PAPPA: variants seen among roughly 807,000 people sequenced by gnomAD.
PAPPA encodes the protein pappalysin-1.
A neutral mutation model predicts 164.0 loss-of-function variants in PAPPA; 60 were observed. The observed-to-expected ratio is 0.37, with a 90% confidence interval of 0.30 to 0.45. The LOEUF (loss-of-function observed/expected upper bound fraction) is 0.45, where lower values mean the gene tolerates loss of function less well. Among genes scored for constraint, PAPPA ranks in the 20% least tolerant of loss-of-function variants. The pLI is 1.00. For missense variants in PAPPA, 1,782 were observed against 2,087.3 expected, an observed-to-expected ratio of 0.85 and a Z score of 2.85; for synonymous variants, 875 against 814.1, an observed-to-expected ratio of 1.07 and a Z score of -1.27.
intron 7 of PAPPA, among the ~76,000 whole-genome samples, chr9:116,247,809 T>C (rs1844814462): frequency 6.6e-6 from 1 of 152,122 alleles, no homozygotes; most frequent in Non-Finnish European, 1.5e-5. Flanking sequence ...GACACCACTT[T>C]AGAGATGCTG....
At chr9:116,225,721 A>G (rs1844498232) in intron 5 of PAPPA, among the ~76,000 whole-genome samples, 1 of 152,266 alleles carries the variant, frequency 6.6e-6, no homozygotes, top group Non-Finnish European at 1.5e-5. Context: ...CATATTTACA[A>G]TGATAAGGCT....
intron 18 of PAPPA, among the ~76,000 whole-genome samples, chr9:116,363,297 G>T (rs1236889734): frequency 6.6e-6 from 1 of 152,140 alleles, no homozygotes. Context: ...AACTTGAGGG[G>T]ATAATGGAAC....
chr9:116,261,159 A>G (rs1225294964), intron 7 of PAPPA, among the ~76,000 whole-genome samples: 1 of 152,238 alleles, frequency 6.6e-6, no homozygotes, highest in Non-Finnish European at 1.5e-5. Flanking sequence ...AATACAAAAT[A>G]TGATACGTAG....
intron 10 of PAPPA, among the ~76,000 whole-genome samples, chr9:116,312,347 G>T: frequency 7.0e-6 from 1 of 143,180 alleles, no homozygotes; most frequent in African/African-American, 2.6e-5. Context: ...CATTCAGCCA[G>T]CATGGCCTTT....
intron 13 of PAPPA, among the ~76,000 whole-genome samples, chr9:116,337,416 A>G (rs1466014809): frequency 1.3e-5 from 2 of 152,156 alleles, no homozygotes; most frequent in East Asian, 3.8e-4. Flanking sequence ...ACAAACAAAC[A>G]AGGGAGGAAA....
rs1846994992 is a variant in PAPPA at position 116,398,375 on chromosome 9, C to A, written c.*1759C>A. 2 of 335,128 alleles carry A rather than the reference C, an allele frequency of 6.0e-6. No individual in the cohort carries two copies. The highest frequency in any genetic ancestry group is 2.4e-5 in the South Asian group (1 of 41,456). 20.8% of individuals were successfully genotyped at this position (335,128 alleles called of 1,614,324 possible). A position where few individuals can be genotyped will look rare whatever the true frequency, so the allele number is the denominator to read the frequency against. The stretch of plus-strand genomic sequence containing the variant: ...TCATCTCAAGTCTAGTGAAGACAGC[C>A]AACAGAAACAAAACCTAGCATAGGG... On this transcript the variant is annotated 3_prime_UTR_variant, in exon 22 of 22. Coordinates refer to ENST00000328252, the MANE Select transcript of PAPPA (RefSeq NM_002581.5).
At chr9:116,220,499 TATTA>T (rs1844430707) in intron 5 of PAPPA, among the ~76,000 whole-genome samples, 1 of 148,304 alleles carries the variant, frequency 6.7e-6, no homozygotes, top group Non-Finnish European at 1.5e-5. Flanking sequence ...TATTATATTA[TATTA>T]ATTATATTGT....
chr9:116,356,110 C>T (rs1846350983), intron 17 of PAPPA, among the ~76,000 whole-genome samples: 1 of 152,184 alleles, frequency 6.6e-6, no homozygotes, highest in Non-Finnish European at 1.5e-5. Flanking sequence ...GAGAGTCACA[C>T]ACTCTCTTCC....
intron 17 of PAPPA, among the ~76,000 whole-genome samples, chr9:116,359,365 C>T (rs913269069): frequency 4.6e-5 from 7 of 152,142 alleles, no homozygotes; most frequent in Admixed American, 2.0e-4. Context: ...GCTCAATATG[C>T]GCTTGTAAAA....
At chr9:116,374,771 C>A (rs1029868660) in intron 19 of PAPPA, among the ~76,000 whole-genome samples, 9 of 152,188 alleles carry the variant, frequency 5.9e-5, no homozygotes. Context: ...TGCCCTCCAA[C>A]ATCTCTGGAT....
At chr9:116,285,770 G>T (rs1044550579) in intron 9 of PAPPA, 16 of 152,110 alleles carry the variant, frequency 1.1e-4, no homozygotes, top group Non-Finnish European at 1.6e-4. Flanking sequence ...GTTAGTCCAG[G>T]GACTGACAAA....
chr9:116,291,898 A>C (rs952040662), intron 9 of PAPPA, among the ~76,000 whole-genome samples: 12 of 152,126 alleles, frequency 7.9e-5, no homozygotes, highest in Admixed American at 7.9e-4. Context: ...ACAATATGGT[A>C]TGCTACTTTG....
At chr9:116,178,434 T>C (rs947545982) in intron 1 of PAPPA, among the ~76,000 whole-genome samples, 1 of 152,210 alleles carries the variant, frequency 6.6e-6, no homozygotes, top group African/African-American at 2.4e-5. Flanking sequence ...TTAACACACA[T>C]TTTTAAAAAG....
rs192700731 is a variant in PAPPA at position 116,229,986 on chromosome 9, A to G, written c.2233+2434A>G. ...AGACATCTCCCCACACTTACATCCAATGCAACTATTAGTTGGTGAAGTTTG... is the reference window on the plus strand; with the variant it reads ...AGACATCTCCCCACACTTACATCCAGTGCAACTATTAGTTGGTGAAGTTTG... On this transcript the variant is annotated intron_variant, in intron 6 of 21. Transcript: ENST00000328252. Among the ~76,000 whole-genome samples, 4 of 152,340 alleles carry G rather than the reference A, an allele frequency of 2.6e-5. No homozygotes were observed. The East Asian group carries it at 7.7e-4, about 29-fold the overall frequency.
At chr9:116,384,195 A>G (rs1251778994) in intron 21 of PAPPA, among the ~76,000 whole-genome samples, 1 of 151,714 alleles carries the variant, frequency 6.6e-6, no homozygotes, top group Non-Finnish European at 1.5e-5. Flanking sequence ...GGAGGCCAAG[A>G]TGGGTGAATC....
intron 10 of PAPPA, among the ~76,000 whole-genome samples, chr9:116,309,688 C>CA (rs1228354423): frequency 6.6e-6 from 1 of 150,876 alleles, no homozygotes; most frequent in African/African-American, 2.4e-5. Context: ...GGGGTATATC[C>CA]AAAAAAAGGT....
At chr9:116,255,672 A>T (rs905605297) in intron 7 of PAPPA, among the ~76,000 whole-genome samples, 1 of 151,974 alleles carries the variant, frequency 6.6e-6, no homozygotes, top group South Asian at 2.1e-4. Context: ...TCACCCCAGG[A>T]GAGATGTGGC....
rs1187342837 is a variant in PAPPA, at chr9:116,207,559, G to A, written c.1582G>A (p.Val528Ile). The A allele has an allele frequency of 2.5e-6, 4 of 1,613,608 alleles. No homozygotes were observed. The highest frequency in any genetic ancestry group is 1.1e-5 in the South Asian group (1 of 91,048). ...AKSSEEELAG[V>I]ATWPWDKEAL... is the part of the protein sequence containing the mutation. The stretch of plus-strand genomic sequence containing the variant: ...ATCCTCAGAGGAGGAGTTGGCAGGA[G>A]TAGCAACTTGGCCATGGGACAAGGA... The change falls in exon 3 of 22, where the codon GTA (valine) becomes ATA (isoleucine). Residue 528 changes from valine (V) to isoleucine (I), a missense_variant. Physicochemically the swap from Val to Ile is conservative, Grantham distance 29. This residue lies in a region of PAPPA where 1,324 missense variants were observed against 1,656.9 expected (regional missense o/e 0.80). Transcript: ENST00000328252.
intron 1 of PAPPA, among the ~76,000 whole-genome samples, chr9:116,180,576 G>A (rs1374260479): frequency 6.6e-6 from 1 of 152,084 alleles, no homozygotes; most frequent in Non-Finnish European, 1.5e-5. Flanking sequence ...CAGCAGAAAT[G>A]TCCTGGTGGA....
Sources: gnomAD v4.1 joint callset for allele counts (sites outside exome capture counted in the v4.1 genomes callset) on GRCh38, gnomAD v4.1.1 for gene constraint, gnomAD v4.1.1 regional missense constraint, MANE v1.5 for transcripts, NCBI Gene and HGNC (gene_info 2026-07-23, HGNC 2026-07-21) for gene names.